Variants in DNAH6 observed in about 807,000 individuals in gnomAD.
The protein encoded by DNAH6 is dynein axonemal heavy chain 6.
A neutral mutation model predicts 491.4 loss-of-function variants in DNAH6; 340 were observed. The observed-to-expected ratio is 0.69, with a 90% CI of 0.63 to 0.76. The LOEUF is 0.76. Among genes scored for constraint, DNAH6 ranks in the 30% least tolerant of loss-of-function variants. The probability of loss-of-function intolerance (pLI) is 0.00; values close to 1 mark genes in which losing one functional copy is unlikely to be tolerated. For missense variants in DNAH6, 4,443 were observed against 4,972.2 expected (o/e 0.89, Z 3.20); for synonymous variants, 1,603 against 1,686.1 (o/e 0.95, Z 1.21).
chr2:84,579,092 T>G (rs1682759268), intron 13 of DNAH6, among the ~76,000 whole-genome samples: 2 of 152,166 alleles, frequency 1.3e-5, no homozygotes, highest in African/African-American at 4.8e-5. Flanking sequence ...CGTGAAAATC[T>G]TAATCTGATC....
At chr2:84,629,890 A>G (rs1688241726) in intron 29 of DNAH6, among the ~76,000 whole-genome samples, 2 of 152,208 alleles carry the variant, frequency 1.3e-5, no homozygotes, top group Non-Finnish European at 2.9e-5. Context: ...GTTACTAAAG[A>G]GGATCTCATT....
chr2:84,473,024 T>G, the DNAH6 span, among the ~76,000 whole-genome samples: 1 of 152,192 alleles, frequency 6.6e-6, no homozygotes, highest in African/African-American at 2.4e-5. Context: ...AAAGTCAGTT[T>G]GCAAAACTTG....
intron 37 of DNAH6, among the ~76,000 whole-genome samples, chr2:84,665,772 C>G (rs6760679): frequency 0.069 from 10,558 of 152,136 alleles, 1,220 homozygotes; most frequent in African/African-American, 0.24. Flanking sequence ...CATCCTGACA[C>G]CAAAGCCTGG....
At chr2:84,750,073 T>C (rs1220227889) in intron 63 of DNAH6, among the ~76,000 whole-genome samples, 1 of 152,168 alleles carries the variant, frequency 6.6e-6, no homozygotes, top group Non-Finnish European at 1.5e-5. Context: ...CACATACATT[T>C]ATAATTTATT....
rs148410077 is a variant in DNAH6, at chr2:84,769,797, G to A, written c.10703+6852G>A. Among the ~76,000 whole-genome samples, 1,088 of 152,296 alleles carry A rather than the reference G, an allele frequency of 7.1e-3. 12 individuals carry two copies. The highest frequency in any genetic ancestry group is 0.024 in the African/African-American group (1,004 of 41,556). The stretch of plus-strand genomic sequence containing the variant: ...ACAGTTGAGGCAACTAGCAGACAAA[G>A]CAGAAAGCCTGGGAGGAAAGATGAG... On this transcript the variant is annotated intron_variant, in intron 64 of 76. Transcript: ENST00000389394.
At chr2:84,596,583 G>A (rs535467959) in intron 18 of DNAH6, among the ~76,000 whole-genome samples, 5 of 151,766 alleles carry the variant, frequency 3.3e-5, no homozygotes, top group South Asian at 2.1e-4. Context: ...CACCTGCCTC[G>A]GCCTCCCAAA....
chr2:84,765,521 G>A (rs1032166600), intron 64 of DNAH6, among the ~76,000 whole-genome samples: 8 of 151,936 alleles, frequency 5.3e-5, no homozygotes, highest in Admixed American at 1.3e-4. Flanking sequence ...CACTATATTC[G>A]CTTAGGAAAA....
intron 2 of DNAH6, 118 bp downstream of exon 2, chr2:84,518,169 A>G (rs960289471): frequency 1.4e-5 from 10 of 721,986 alleles, no homozygotes; most frequent in Non-Finnish European, 2.3e-5. Flanking sequence ...GAAAAGCTAA[A>G]AGATAATAAC....
chr2:84,567,096 G>A lies in DNAH6; in HGVS notation c.1804-6371G>A, dbSNP rs185066074. 2.0e-5 allele frequency among the ~76,000 whole-genome samples: 3 copies of A among 152,160 alleles called. No individual in the cohort carries two copies. The East Asian group carries it at 5.8e-4, about 29-fold the overall frequency. On this transcript the variant is annotated intron_variant, in intron 11 of 76. Coordinates refer to ENST00000389394, the MANE Select transcript of DNAH6 (RefSeq NM_001370.2). ...AAAAATCTGGATGCAAGAATAGAAT[G>A]AATTGATAAATTTGATTATACAACA...
chr2:84,653,188 A>T, intron 33 of DNAH6, 131 bp from the exon 34 acceptor site: 1 of 795,466 alleles, frequency 1.3e-6, no homozygotes, highest in Non-Finnish European at 1.9e-6. Context: ...AGGACAAACT[A>T]ATACTGTACA....
intron 33 of DNAH6, among the ~76,000 whole-genome samples, chr2:84,643,028 G>C (rs1284509502): frequency 6.6e-6 from 1 of 152,080 alleles, no homozygotes; most frequent in African/African-American, 2.4e-5. Context: ...TCTCTCTAAA[G>C]AACTGCTTTT....
At position 84,653,666 on chromosome 2, in the gene DNAH6, C is replaced by A; in HGVS notation, c.5426C>A (p.Thr1809Asn). The A allele has an allele frequency of 1.9e-6, 3 of 1,551,160 alleles. No homozygotes were observed. Among genetic ancestry groups the A allele is most frequent in the Non-Finnish European group, 2.6e-6 (3 of 1,146,696 alleles). Reference protein sequence around the residue: ...GELYGEVNNLTLEWKDGLMAL... With the variant: ...GELYGEVNNLNLEWKDGLMAL... The stretch of plus-strand genomic sequence containing the variant: ...TTATATGGAGAGGTTAATAACTTAA[C>A]CTTGGAATGGAAAGATGGTTTGATG... The change falls in exon 34 of 77, where the codon ACC (threonine) becomes AAC (asparagine). Residue 1809 changes from threonine (T) to asparagine (N), a missense_variant. This residue lies in a region of DNAH6 where 2,977 missense variants were observed against 3,296.6 expected (regional missense o/e 0.90). Transcript: ENST00000389394.
chr2:84,680,835 G>A (rs1306364739), intron 41 of DNAH6, among the ~76,000 whole-genome samples: 1 of 152,168 alleles, frequency 6.6e-6, no homozygotes, highest in Non-Finnish European at 1.5e-5. Flanking sequence ...TTGCAGGACA[G>A]AAAATGGGAG....
chr2:84,503,180 A>G, the DNAH6 span, among the ~76,000 whole-genome samples: 1 of 151,978 alleles, frequency 6.6e-6, no homozygotes, highest in Non-Finnish European at 1.5e-5. Context: ...TGAGATCACC[A>G]TGAGGCTTGC....
intron 40 of DNAH6, among the ~76,000 whole-genome samples, chr2:84,675,307 ATAT>A (rs950892414): frequency 1.3e-5 from 2 of 152,216 alleles, no homozygotes; most frequent in African/African-American, 4.8e-5. Flanking sequence ...AATACCTTGT[ATAT>A]AGTAAGCCGT....
At chr2:84,538,299 G>A (rs1474867754) in intron 4 of DNAH6, among the ~76,000 whole-genome samples, 1 of 152,100 alleles carries the variant, frequency 6.6e-6, no homozygotes, top group Non-Finnish European at 1.5e-5. Context: ...ATATGTAGTG[G>A]AAAGATAAGA....
chr2:84,810,037 C>T (rs998511469), intron 72 of DNAH6, among the ~76,000 whole-genome samples: 22 of 151,986 alleles, frequency 1.4e-4, no homozygotes, highest in Non-Finnish European at 5.9e-5. Flanking sequence ...TATGTCTTGC[C>T]CTTTCCACAT....
intron 63 of DNAH6, among the ~76,000 whole-genome samples, chr2:84,756,091 C>A (rs1673983235): frequency 6.6e-6 from 1 of 152,170 alleles, no homozygotes; most frequent in Non-Finnish European, 1.5e-5. Context: ...GTAAATTGCC[C>A]AGTCTTGGGT....
At chr2:84,522,178 G>A (rs1676213168) in intron 2 of DNAH6, among the ~76,000 whole-genome samples, 2 of 151,982 alleles carry the variant, frequency 1.3e-5, no homozygotes, top group African/African-American at 4.8e-5. Context: ...TTTCATTGTA[G>A]AGAACTTACA....
Sources: allele counts gnomAD v4.1 joint callset (sites outside exome capture counted in the v4.1 genomes callset), GRCh38; gene constraint gnomAD v4.1.1; regional missense constraint gnomAD v4.1.1; transcripts MANE v1.5; gene names NCBI Gene and HGNC (gene_info 2026-07-23, HGNC 2026-07-21).